Variants in MED6 observed in about 807,000 individuals in gnomAD.
The protein encoded by MED6 is mediator complex subunit 6, also known as mediator of RNA polymerase II transcription subunit 6.
Under a neutral mutation model 37.5 loss-of-function variants are expected in MED6, and 33 were observed. The ratio of observed to expected loss-of-function variants is 0.88; its 90% CI spans 0.67 to 1.18. The LOEUF (loss-of-function observed/expected upper bound fraction) is 1.18. Ranked by LOEUF, MED6 falls within the 50% of genes most tolerant of loss-of-function variation. MED6 has a pLI of 0.00. For missense variants in MED6, 235 were observed against 290.6 expected (o/e 0.81, Z 1.39); for synonymous variants, 94 against 93.6 (o/e 1.00, Z -0.02).
intron 1 of MED6, among the ~76,000 whole-genome samples, 185 bp downstream of exon 1, chr14:70,600,431 A>C (rs1885172324): frequency 1.5e-5 from 2 of 137,342 alleles, no homozygotes; most frequent in Non-Finnish European, 3.0e-5. Flanking sequence ...AGACGCTCCA[A>C]GAACTCAGAA....
chr14:70,596,371 TG>T, intron 3 of MED6: 1 of 384,278 alleles, frequency 2.6e-6, no homozygotes, highest in Non-Finnish European at 4.8e-6. Context: ...AGACCCCACC[TG>T]ACATGTCTTT....
At position 70,592,999 on chromosome 14, in the gene MED6, G is replaced by A; in HGVS notation, c.358-11C>T. ...ATGCACTGCAGTAAGCTTGTAAAAGGAAAATAAACTCTAAATTTATCATTA... is the reference window on the plus strand; with the variant it reads ...ATGCACTGCAGTAAGCTTGTAAAAGAAAAATAAACTCTAAATTTATCATTA... On this transcript the variant is annotated splice_polypyrimidine_tract_variant and intron_variant, in intron 4 of 7. Transcript: ENST00000256379. 1 of 1,612,720 alleles carries A rather than the reference G, an allele frequency of 6.2e-7. No individual in the cohort carries two copies. Among genetic ancestry groups the A allele is most frequent in the Non-Finnish European group, 8.5e-7 (1 of 1,179,852 alleles).
At chr14:70,590,109 T>C (rs1595048873) in intron 6 of MED6, among the ~76,000 whole-genome samples, 1 of 152,228 alleles carries the variant, frequency 6.6e-6, no homozygotes, top group Non-Finnish European at 1.5e-5. Context: ...ATACTGCACT[T>C]ACATCACAAC....
intron 3 of MED6, chr14:70,594,823 CA>C: frequency 3.1e-6 from 2 of 638,006 alleles, no homozygotes; most frequent in Non-Finnish European, 5.8e-6. Context: ...TACCCTGGTT[CA>C]ATGCCTGACC....
intron 3 of MED6, chr14:70,595,920 C>T (rs965935240): frequency 2.7e-5 from 14 of 520,244 alleles, no homozygotes; most frequent in Admixed American, 6.0e-5. Flanking sequence ...GGATGCTTGA[C>T]GTTCAGTCGG....
intron 1 of MED6, among the ~76,000 whole-genome samples, chr14:70,599,396 T>C (rs1168848882): frequency 2.0e-5 from 3 of 152,198 alleles, no homozygotes; most frequent in Admixed American, 1.3e-4. Flanking sequence ...TTTTCAGAAA[T>C]GGCCTCCTAA....
chr14:70,584,067 T>C lies in MED6; in HGVS notation c.*746A>G. Reference sequence around the variant, plus strand: ...GGGTAATGGTATTGGTGAGTGAGGTTTTTCCTTTTCTTCATCTTCCAAAAT... The same window carrying C: ...GGGTAATGGTATTGGTGAGTGAGGTCTTTCCTTTTCTTCATCTTCCAAAAT... On this transcript the variant is annotated 3_prime_UTR_variant, in exon 8 of 8. Transcript: ENST00000256379. 1.6e-6 allele frequency: 1 copy of C among 622,322 alleles called. No homozygotes were observed. Among genetic ancestry groups the C allele is most frequent in the East Asian group, 2.6e-5 (1 of 38,692 alleles). 38.6% of individuals were successfully genotyped at this position (622,322 alleles called of 1,614,324 possible). A position where few individuals can be genotyped will look rare whatever the true frequency, so the allele number is the denominator to read the frequency against.
intron 6 of MED6, among the ~76,000 whole-genome samples, chr14:70,586,236 G>A (rs1056916488): frequency 1.3e-5 from 2 of 152,124 alleles, no homozygotes; most frequent in African/African-American, 4.8e-5. Context: ...GGTAGGCATG[G>A]GAAATTTGGA....
chr14:70,594,629 G>A, intron 3 of MED6: 2 of 424,246 alleles, frequency 4.7e-6, no homozygotes, highest in South Asian at 2.0e-5. Flanking sequence ...GCGGCACCCA[G>A]CCAGTCAGCA....
Position 70,584,785 on chromosome 14 carries a change from T to A in MED6, c.*28A>T. 3 of 1,604,694 alleles carry A rather than the reference T, an allele frequency of 1.9e-6. No homozygotes were observed. The highest frequency in any genetic ancestry group is 2.5e-6 in the Non-Finnish European group (3 of 1,177,190). ...GAGGTATGATAACTAGCATGAGGAG[T>A]CTTCCAGGCTTCTCTTTTGTCCAGT... On this transcript the variant is annotated 3_prime_UTR_variant, in exon 8 of 8. Coordinates refer to ENST00000256379, the MANE Select transcript of MED6 (RefSeq NM_005466.4).
At chr14:70,593,429 C>T (rs1016656754) in intron 3 of MED6, 51 bp from the exon 4 acceptor site, 4 of 1,308,534 alleles carry the variant, frequency 3.1e-6, no homozygotes, top group Non-Finnish European at 4.4e-6. Context: ...ACACAAACTG[C>T]TAAACAGATT....
In MED6 at chr14:70,583,971, T is replaced by C; in HGVS notation, c.*842A>G. 1 of 435,984 alleles carries C rather than the reference T, an allele frequency of 2.3e-6. No homozygotes were observed. 27.0% of individuals were successfully genotyped at this position (435,984 alleles called of 1,614,324 possible). ...ACTTTAAAAAAAATAAAATTCCTTT[T>C]CTTTATTGAAAAAAGAAGTATCTAC... On this transcript the variant is annotated 3_prime_UTR_variant, in exon 8 of 8. Coordinates refer to ENST00000256379, the MANE Select transcript of MED6 (RefSeq NM_005466.4).
Position 70,584,437 on chromosome 14 carries a change from T to C in MED6, c.*376A>G. On this transcript the variant is annotated 3_prime_UTR_variant, in exon 8 of 8. Transcript: ENST00000256379. Reference sequence around the variant, plus strand: ...TCGCCCAAGCTGGAGTGCAACAGCATGATAATCAGCTCAGGGCAACCTCCA... The same window carrying C: ...TCGCCCAAGCTGGAGTGCAACAGCACGATAATCAGCTCAGGGCAACCTCCA... 1 of 345,798 alleles carries C rather than the reference T, an allele frequency of 2.9e-6. No individual in the cohort carries two copies. Among genetic ancestry groups the C allele is most frequent in the Non-Finnish European group, 5.2e-6 (1 of 191,002 alleles). 21.4% of individuals were successfully genotyped at this position (345,798 alleles called of 1,614,324 possible).
At position 70,584,492 on chromosome 14, in the gene MED6, C is replaced by T; in HGVS notation, c.*321G>A. The T allele has an allele frequency of 3.2e-6, 1 of 310,628 alleles. No individual in the cohort carries two copies. Among genetic ancestry groups the T allele is most frequent in the Non-Finnish European group, 5.9e-6 (1 of 169,848 alleles). The allele number at this position is 310,628 out of a possible 1,614,324, so 19.2% of individuals were successfully genotyped here. On this transcript the variant is annotated 3_prime_UTR_variant, in exon 8 of 8. Coordinates refer to ENST00000256379, the MANE Select transcript of MED6 (RefSeq NM_005466.4). ...CCGGGTTCAAGCAAGTCTCCTGTCTCAGCCTCCCGAGTAGCTGGGACTATG... is the reference window on the plus strand; with the variant it reads ...CCGGGTTCAAGCAAGTCTCCTGTCTTAGCCTCCCGAGTAGCTGGGACTATG...
intron 6 of MED6, among the ~76,000 whole-genome samples, chr14:70,590,398 T>TCC: frequency 1.3e-5 from 2 of 152,196 alleles, no homozygotes; most frequent in African/African-American, 4.8e-5. Flanking sequence ...CTGTCCTGAG[T>TCC]TCCATCTTGT....
intron 1 of MED6, among the ~76,000 whole-genome samples, chr14:70,599,198 G>A (rs911333827): frequency 6.6e-6 from 1 of 152,108 alleles, no homozygotes; most frequent in African/African-American, 2.4e-5. Context: ...AAGGTGACAG[G>A]CAGTTTTGAG....
chr14:70,599,411 T>A (rs1181371888), intron 1 of MED6, among the ~76,000 whole-genome samples: 1 of 152,144 alleles, frequency 6.6e-6, no homozygotes, highest in African/African-American at 2.4e-5. Flanking sequence ...TCCTAACTGG[T>A]TTTCCTAATT....
chr14:70,595,533 C>T (rs1486554301), intron 3 of MED6: 6 of 696,224 alleles, frequency 8.6e-6, no homozygotes, highest in South Asian at 5.9e-5. Context: ...CTGCTATACC[C>T]TGCAGATGGA....
intron 7 of MED6, among the ~76,000 whole-genome samples, chr14:70,585,171 T>A (rs762761617): frequency 5.3e-5 from 8 of 152,206 alleles, no homozygotes; most frequent in Non-Finnish European, 1.0e-4. Flanking sequence ...AGCATTTAAG[T>A]AAGACAGTAT....
Sources: allele counts gnomAD v4.1 joint callset (sites outside exome capture counted in the v4.1 genomes callset), GRCh38; gene constraint gnomAD v4.1.1; transcripts MANE v1.5; gene names NCBI Gene and HGNC (gene_info 2026-07-23, HGNC 2026-07-21).